Variants in DGKB observed in about 807,000 individuals in gnomAD.
DGKB encodes the protein diacylglycerol kinase beta, also known as 90 kDa diacylglycerol kinase.
DGKB carries 67 observed loss-of-function variants against 114.3 expected under a neutral mutation model. That is an observed-to-expected ratio of 0.59 (90% CI 0.48 to 0.72). The LOEUF is 0.72. DGKB is among the 30% of genes least tolerant of loss of function. The probability of loss-of-function intolerance (pLI) is 0.00; values close to 1 mark genes in which losing one functional copy is unlikely to be tolerated. For synonymous variants in DGKB, 398 were observed against 323.1 expected (o/e 1.23, Z -2.49); for missense variants, 907 against 975.2 (o/e 0.93, Z 0.93).
intron 2 of DGKB, among the ~76,000 whole-genome samples, chr7:14,832,182 G>C (rs924845683): frequency 6.6e-6 from 1 of 151,906 alleles, no homozygotes; most frequent in African/African-American, 2.4e-5. Context: ...TTTAGAAAAG[G>C]TTACATAAGT....
rs554514620 is a variant in DGKB, at chr7:14,294,947, T to TA, written c.2122+43567dup. Among the ~76,000 whole-genome samples, 283 of 152,272 alleles carry TA rather than the reference T, an allele frequency of 1.9e-3. 1 individual carries two copies. Among genetic ancestry groups the TA allele is most frequent in the African/African-American group, 6.1e-3 (255 of 41,570 alleles). ...GCAGAAAGAGTGACCTAATGCAGTCTAAATTAGAAAGGTTCCCGAAATTTT... is the reference window on the plus strand; with the variant it reads ...GCAGAAAGAGTGACCTAATGCAGTCTAAAATTAGAAAGGTTCCCGAAATTTT... On this transcript the variant is annotated intron_variant, in intron 23 of 25. Transcript: ENST00000402815.
chr7:14,463,741 T>C (rs1833424725), intron 21 of DGKB, among the ~76,000 whole-genome samples: 1 of 152,206 alleles, frequency 6.6e-6, no homozygotes, highest in African/African-American at 2.4e-5. Context: ...GTTATACTTC[T>C]GAATTTGTTT....
intron 14 of DGKB, among the ~76,000 whole-genome samples, chr7:14,629,730 A>T (rs1455499002): frequency 6.6e-6 from 1 of 152,062 alleles, no homozygotes; most frequent in African/African-American, 2.4e-5. Flanking sequence ...TTCTGACTAT[A>T]TTTTATTCTG....
intron 23 of DGKB, among the ~76,000 whole-genome samples, chr7:14,197,866 T>C (rs1785250161): frequency 6.6e-6 from 1 of 152,084 alleles, no homozygotes; most frequent in Admixed American, 6.6e-5. Context: ...AGGTAGGTAA[T>C]ATTGAGCAAA....
intron 2 of DGKB, among the ~76,000 whole-genome samples, chr7:14,795,699 G>A (rs369773256): frequency 6.6e-5 from 10 of 152,196 alleles, no homozygotes; most frequent in African/African-American, 2.4e-4. Flanking sequence ...TGGTTACCTG[G>A]CTACTGTAAT....
At chr7:14,918,632 T>C (rs1344642769) in intron 1 of DGKB, among the ~76,000 whole-genome samples, 1 of 152,206 alleles carries the variant, frequency 6.6e-6, no homozygotes, top group Non-Finnish European at 1.5e-5. Context: ...AATAGAAAGA[T>C]GTTTCATATC....
In DGKB at chr7:14,242,006, G is replaced by C. The variant is rs560642728; in HGVS notation, c.2123-63855C>G. ...CACACACATATATATATACACAAAA[G>C]TGACCTAATTTATACATTTCAACAC... is the stretch of plus-strand genomic sequence containing the variant. On this transcript the variant is annotated intron_variant, in intron 23 of 25. Transcript: ENST00000402815. Among the ~76,000 whole-genome samples the C allele has an allele frequency of 1.5e-4, 22 of 150,500 alleles. No homozygotes were observed. In the South Asian group the frequency reaches 1.7e-3, roughly 12 times the overall value.
At chr7:14,205,322 T>G (rs1786596296) in intron 23 of DGKB, among the ~76,000 whole-genome samples, 1 of 151,862 alleles carries the variant, frequency 6.6e-6, no homozygotes, top group South Asian at 2.1e-4. Flanking sequence ...GGTTCTACAT[T>G]GTTCTTGAGA....
chr7:14,604,147 T>C (rs1159019384), intron 17 of DGKB, among the ~76,000 whole-genome samples: 2 of 152,108 alleles, frequency 1.3e-5, no homozygotes, highest in Non-Finnish European at 2.9e-5. Context: ...AAACAACTTA[T>C]TTGAAAGAGA....
intron 23 of DGKB, among the ~76,000 whole-genome samples, chr7:14,231,080 TCC>T (rs367786135): frequency 1.3e-5 from 2 of 148,154 alleles, no homozygotes; most frequent in East Asian, 2.1e-4. Context: ...CTTTCTTCTT[TCC>T]CTTTCTTTCT....
At chr7:14,218,771 T>G (rs1015655050) in intron 23 of DGKB, among the ~76,000 whole-genome samples, 3 of 152,010 alleles carry the variant, frequency 2.0e-5, no homozygotes, top group Non-Finnish European at 4.4e-5. Context: ...CCACATATCA[T>G]TCACCCATTT....
intron 23 of DGKB, among the ~76,000 whole-genome samples, chr7:14,313,631 A>G (rs925081872): frequency 6.6e-6 from 1 of 151,968 alleles, no homozygotes; most frequent in African/African-American, 2.4e-5. Flanking sequence ...GGAGGGTCCT[A>G]CGCCCACGGA....
chr7:14,855,990 T>C (rs922163015), intron 1 of DGKB, among the ~76,000 whole-genome samples: 3 of 30,366 alleles, frequency 9.9e-5, no homozygotes, highest in African/African-American at 8.7e-4. Flanking sequence ...ATAATGTGTA[T>C]ATATATATAT....
chr7:14,210,338 C>G (rs1024956184), intron 23 of DGKB, among the ~76,000 whole-genome samples: 10 of 152,214 alleles, frequency 6.6e-5, no homozygotes, highest in African/African-American at 2.4e-4. Context: ...TTCAGGCCCA[C>G]AGGCAGCCAG....
At chr7:14,625,061 T>C (rs925694572) in intron 14 of DGKB, among the ~76,000 whole-genome samples, 3 of 152,096 alleles carry the variant, frequency 2.0e-5, no homozygotes, top group African/African-American at 4.8e-5. Flanking sequence ...TTTCAACTTA[T>C]GAGATTTCAT....
chr7:14,315,986 A>T (rs901955256), intron 23 of DGKB, among the ~76,000 whole-genome samples: 1 of 151,742 alleles, frequency 6.6e-6, no homozygotes, highest in Non-Finnish European at 1.5e-5. Flanking sequence ...ATTTCACTCA[A>T]AACCGCTCAA....
intron 4 of DGKB, among the ~76,000 whole-genome samples, chr7:14,743,736 T>C (rs1483588053): frequency 1.3e-5 from 2 of 152,212 alleles, no homozygotes; most frequent in African/African-American, 4.8e-5. Flanking sequence ...AAGGTTGTTA[T>C]ATTAAGTTAT....
upstream of DGKB, among the ~76,000 whole-genome samples, chr7:14,907,548 C>T (rs1026905698): frequency 2.3e-4 from 35 of 152,326 alleles, no homozygotes; most frequent in African/African-American, 7.2e-4. Context: ...TACATGTATA[C>T]GTGCATGAAC....
At chr7:14,258,709 G>A (rs1796299113) in intron 23 of DGKB, among the ~76,000 whole-genome samples, 1 of 152,126 alleles carries the variant, frequency 6.6e-6, no homozygotes, top group African/African-American at 2.4e-5. Context: ...ATGTACAGCA[G>A]GAACTTGGTC....
Sources: gnomAD v4.1 joint callset for allele counts (sites outside exome capture counted in the v4.1 genomes callset) on GRCh38, gnomAD v4.1.1 for gene constraint, MANE v1.5 for transcripts, NCBI Gene and HGNC (gene_info 2026-07-23, HGNC 2026-07-21) for gene names.